The following SUZ12 variants were observed in gnomAD, a reference collection of about 807,000 sequenced individuals.
SUZ12 encodes SUZ12 polycomb repressive complex 2 subunit, also known as polycomb protein SUZ12.
SUZ12 carries 17 observed loss-of-function variants against 87.3 expected under a neutral mutation model. The observed-to-expected ratio is 0.19, with a 90% CI of 0.13 to 0.29. SUZ12 has a LOEUF of 0.29. SUZ12 is among the 10% of genes least tolerant of loss of function. SUZ12 has a pLI of 1.00. For synonymous variants in SUZ12, 253 were observed against 312.4 expected (o/e 0.81, Z 2.01); for missense variants, 526 against 912.2 (o/e 0.58, Z 5.45).
At chr17:31,988,000 A>G (rs1909504248) in intron 9 of SUZ12, among the ~76,000 whole-genome samples, 1 of 151,982 alleles carries the variant, frequency 6.6e-6, no homozygotes, top group East Asian at 1.9e-4. Context: ...TTTTCCCATG[A>G]TAACTTTGAT....
At chr17:31,941,658 T>A (rs1294481194) in intron 3 of SUZ12, among the ~76,000 whole-genome samples, 1 of 151,402 alleles carries the variant, frequency 6.6e-6, no homozygotes, top group Non-Finnish European at 1.5e-5. Context: ...CAAGAGATTC[T>A]CCTCCTTCAG....
At chr17:31,964,334 CTTTCTAGAACATACT>C (rs140942929) in intron 4 of SUZ12, among the ~76,000 whole-genome samples, 6,373 of 135,724 alleles carry the variant, frequency 0.047, 229 homozygotes, top group African/African-American at 0.21. Flanking sequence ...CCCTAGCATA[CTTTCTAGAACATACT>C]TTTCTAGAAC....
At chr17:31,971,279 T>C (rs1908411850) in intron 5 of SUZ12, among the ~76,000 whole-genome samples, 1 of 152,224 alleles carries the variant, frequency 6.6e-6, no homozygotes, top group African/African-American at 2.4e-5. Flanking sequence ...CTTTTTAGTT[T>C]AGTTGTCTCT....
At chr17:31,943,085 T>G (rs1906403344) in intron 3 of SUZ12, among the ~76,000 whole-genome samples, 1 of 152,246 alleles carries the variant, frequency 6.6e-6, no homozygotes, top group African/African-American at 2.4e-5. Context: ...TTGGCAATCT[T>G]TCTGAATAGA....
chr17:31,961,810 T>G (rs1232730394), intron 4 of SUZ12, among the ~76,000 whole-genome samples: 2 of 152,196 alleles, frequency 1.3e-5, no homozygotes, highest in Non-Finnish European at 2.9e-5. Flanking sequence ...TTCTGGCATT[T>G]CAGAGTTGGA....
chr17:31,956,393 C>T (rs1055016444), intron 4 of SUZ12, among the ~76,000 whole-genome samples: 4 of 152,072 alleles, frequency 2.6e-5, no homozygotes, highest in Admixed American at 2.0e-4. Flanking sequence ...GGGGTTTCAC[C>T]GTGTTGGCCA....
At chr17:31,957,387 G>A (rs569624784) in intron 4 of SUZ12, among the ~76,000 whole-genome samples, 6 of 151,546 alleles carry the variant, frequency 4.0e-5, no homozygotes, top group Non-Finnish European at 8.8e-5. Flanking sequence ...TTACAGACAT[G>A]CACCACCATA....
At chr17:31,979,995 A>AT (rs1254264987) in intron 8 of SUZ12, among the ~76,000 whole-genome samples, 2 of 149,290 alleles carry the variant, frequency 1.3e-5, no homozygotes, top group Admixed American at 6.7e-5. Context: ...AACCCTAAAA[A>AT]ATATATATAT....
intron 4 of SUZ12, among the ~76,000 whole-genome samples, chr17:31,955,889 T>A (rs1208990524): frequency 6.6e-6 from 1 of 151,834 alleles, no homozygotes. Context: ...GCCTGTTGTT[T>A]TTAAAGTTGT....
At chr17:31,939,956 A>G (rs1261430519) in intron 1 of SUZ12, among the ~76,000 whole-genome samples, 2 of 152,210 alleles carry the variant, frequency 1.3e-5, no homozygotes, top group East Asian at 3.8e-4. Context: ...TCGGTAATAA[A>G]TAGTTTAAAT....
intron 4 of SUZ12, among the ~76,000 whole-genome samples, chr17:31,953,300 C>T (rs1907096093): frequency 6.6e-6 from 1 of 152,032 alleles, no homozygotes; most frequent in Admixed American, 6.6e-5. Flanking sequence ...CCAGTAGAGA[C>T]AGGGTTTCAC....
intron 9 of SUZ12, among the ~76,000 whole-genome samples, chr17:31,987,041 TA>T (rs201309841): frequency 0.11 from 16,041 of 151,476 alleles, 1,025 homozygotes; most frequent in Middle Eastern, 0.15. Context: ...TACTGATCTA[TA>T]ACAAAGGTTT....
chr17:31,953,839 G>A (rs1280240734), intron 4 of SUZ12, among the ~76,000 whole-genome samples: 2 of 150,582 alleles, frequency 1.3e-5, no homozygotes, highest in African/African-American at 2.5e-5. Context: ...TTGGCCTCCC[G>A]AGTAGCTGGG....
At chr17:31,984,478 G>T (rs1375076011) in intron 9 of SUZ12, among the ~76,000 whole-genome samples, 2 of 152,112 alleles carry the variant, frequency 1.3e-5, no homozygotes, top group East Asian at 1.9e-4. Context: ...TGATTGAAAA[G>T]TAAGAAAGCA....
intron 10 of SUZ12, among the ~76,000 whole-genome samples, chr17:31,989,705 TCTC>T (rs1909608734): frequency 1.3e-5 from 2 of 152,012 alleles, no homozygotes; most frequent in South Asian, 4.2e-4. Context: ...TTCATGCCAT[TCTC>T]CTGCCTCAGC....
chr17:31,980,653 G>T (rs1262013584), intron 8 of SUZ12, among the ~76,000 whole-genome samples: 4 of 151,334 alleles, frequency 2.6e-5, no homozygotes, highest in Non-Finnish European at 5.9e-5. Flanking sequence ...TCTCCCTGTT[G>T]GTCAGGCTGG....
chr17:31,952,692 A>T (rs1907060892), intron 4 of SUZ12, among the ~76,000 whole-genome samples: 1 of 151,932 alleles, frequency 6.6e-6, no homozygotes, highest in Non-Finnish European at 1.5e-5. Context: ...CCTCCTGAGT[A>T]GCTGGGATTA....
chr17:31,937,346 G>T lies in SUZ12; in HGVS notation c.100G>T (p.Ala34Ser), dbSNP rs1021200184. The T allele has an allele frequency of 2.7e-6, 4 of 1,485,208 alleles. No individual in the cohort carries two copies. The highest frequency in any genetic ancestry group is 2.9e-5 in the African/African-American group (2 of 68,014). The allele number at this position is 1,485,208 out of a possible 1,614,324, so 92.0% of individuals were successfully genotyped here. A position where few individuals can be genotyped will look rare whatever the true frequency, so the allele number is the denominator to read the frequency against. ...CGGGGGTTCGGCGGCGGTGGCGGCGGCGACGGCTTCGGGCGGCAAATCCGG... is the reference window on the plus strand; with the variant it reads ...CGGGGGTTCGGCGGCGGTGGCGGCGTCGACGGCTTCGGGCGGCAAATCCGG... ...GFGGSAAVAA[A>S]TASGGKSGGG... The change falls in exon 1 of 16, where the codon GCG becomes TCG. Residue 34 changes from alanine to serine, a missense_variant. Physicochemically the swap from Ala to Ser is moderately conservative, Grantham distance 99. This residue lies in a region of SUZ12 where 92 missense variants were observed against 109.9 expected (regional missense o/e 0.84). Coordinates refer to ENST00000322652, the MANE Select transcript of SUZ12 (RefSeq NM_015355.4).
At chr17:31,977,766 G>A (rs1177636653) in intron 8 of SUZ12, among the ~76,000 whole-genome samples, 1 of 152,074 alleles carries the variant, frequency 6.6e-6, no homozygotes, top group Non-Finnish European at 1.5e-5. Context: ...GCGTGTGCCT[G>A]TAATCCCAGC....
Sources: gnomAD v4.1 joint callset for allele counts (sites outside exome capture counted in the v4.1 genomes callset) on GRCh38, gnomAD v4.1.1 for gene constraint, gnomAD v4.1.1 regional missense constraint, MANE v1.5 for transcripts, NCBI Gene and HGNC (gene_info 2026-07-23, HGNC 2026-07-21) for gene names.